MAP2K1: variants seen among roughly 807,000 people sequenced by gnomAD.
MAP2K1 encodes dual specificity mitogen-activated protein kinase kinase 1.
In MAP2K1, 16 loss-of-function variants were observed where a neutral mutation model predicts 46.3. The ratio of observed to expected loss-of-function variants is 0.35; its 90% confidence interval spans 0.23 to 0.52. The LOEUF (loss-of-function observed/expected upper bound fraction) is 0.52, where lower values mean the gene tolerates loss of function less well. Ranked by LOEUF, MAP2K1 falls within the 20% of genes least tolerant of loss-of-function variation. MAP2K1 has a pLI of 0.94. For missense variants in MAP2K1, 263 were observed against 497.1 expected (o/e 0.53, Z 4.48); for synonymous variants, 183 against 185.6 (o/e 0.99, Z 0.11).
intron 1 of MAP2K1, among the ~76,000 whole-genome samples, chr15:66,413,193 G>A (rs141011648): frequency 4.6e-4 from 70 of 152,244 alleles, no homozygotes; most frequent in Non-Finnish European, 9.0e-4. Context: ...ACCACGCTTG[G>A]CCCCTTGTGT....
intron 8 of MAP2K1, 51 bp downstream of exon 8, chr15:66,487,343 GAA>G: frequency 6.4e-7 from 1 of 1,567,096 alleles, no homozygotes; most frequent in Non-Finnish European, 8.8e-7. Flanking sequence ...CTCATCTTAA[GAA>G]AACACCCAGG....
At chr15:66,448,531 G>T (rs1283589342) in intron 5 of MAP2K1, among the ~76,000 whole-genome samples, 2 of 152,286 alleles carry the variant, frequency 1.3e-5, no homozygotes, top group Non-Finnish European at 2.9e-5. Flanking sequence ...GCACAAAGAA[G>T]AATATTGTGC....
At chr15:66,470,094 G>GTTTTTT (rs55637393) in intron 5 of MAP2K1, among the ~76,000 whole-genome samples, 65 of 76,606 alleles carry the variant, frequency 8.5e-4, no homozygotes, top group East Asian at 1.2e-3. Flanking sequence ...TTTTTTTCTT[G>GTTTTTT]TTTTTTTTTT....
rs184970289 is a variant in MAP2K1, at chr15:66,489,273, A to C, written c.1019A>C (p.Lys340Thr). 6.2e-7 allele frequency: 1 copy of C among 1,613,860 alleles called. No individual in the cohort carries two copies. Among genetic ancestry groups the C allele is most frequent in the East Asian group, 2.2e-5 (1 of 44,874 alleles). ...FSLEFQDFVN[K>T]CLIKNPAERA... ...CTGGAATTTCAAGATTTTGTGAATA[A>C]ATGGTAAGTTGGCTCCTTGTTCTCT... The change falls in exon 9 of 11, where the codon AAA (lysine) becomes ACA (threonine). Residue 340 changes from lysine (K) to threonine (T), a missense_variant. This residue lies in a region of MAP2K1 where 118 missense variants were observed against 193.0 expected (regional missense o/e 0.61). Coordinates refer to ENST00000307102, the MANE Select transcript of MAP2K1 (RefSeq NM_002755.4).
intron 1 of MAP2K1, among the ~76,000 whole-genome samples, chr15:66,429,680 TC>T (rs1567007438): frequency 3.1e-5 from 1 of 31,920 alleles, no homozygotes; most frequent in African/African-American, 9.2e-5. Flanking sequence ...CCCCCCCCCG[TC>T]CCCCCCAACA....
At chr15:66,395,554 T>C (rs2093365544) in intron 1 of MAP2K1, among the ~76,000 whole-genome samples, 1 of 148,284 alleles carries the variant, frequency 6.7e-6, no homozygotes, top group Non-Finnish European at 1.5e-5. Context: ...TGAAATGCCC[T>C]CCTCCACTTT....
At chr15:66,392,257 T>TTTTTG (rs2093358083) in intron 1 of MAP2K1, among the ~76,000 whole-genome samples, 1 of 104,740 alleles carries the variant, frequency 9.5e-6, no homozygotes, top group Non-Finnish European at 2.1e-5. Context: ...TTTTTTGGGT[T>TTTTTG]TTTTTTTTTT....
chr15:66,418,019 A>G (rs942335586), intron 1 of MAP2K1, among the ~76,000 whole-genome samples: 16 of 152,184 alleles, frequency 1.1e-4, no homozygotes, highest in African/African-American at 3.9e-4. Context: ...AAAATGCACA[A>G]AGCAAGGAAG....
At chr15:66,475,970 A>G (rs550127797) in intron 5 of MAP2K1, among the ~76,000 whole-genome samples, 3 of 152,232 alleles carry the variant, frequency 2.0e-5, no homozygotes, top group Non-Finnish European at 4.4e-5. Context: ...GTTAAACTTC[A>G]AAATGTGTGC....
In MAP2K1 at chr15:66,395,484, A is replaced by G. The variant is rs564041258; in HGVS notation, c.80+8057A>G. On this transcript the variant is annotated intron_variant, in intron 1 of 10. Coordinates refer to ENST00000307102, the MANE Select transcript of MAP2K1 (RefSeq NM_002755.4). Reference sequence around the variant, plus strand: ...TTACTCTCCTCACTGTGCCACCAGCATACTGTTGCTTACCTTCTTACATCT... The same window carrying G: ...TTACTCTCCTCACTGTGCCACCAGCGTACTGTTGCTTACCTTCTTACATCT... 2.1e-4 allele frequency among the ~76,000 whole-genome samples: 32 copies of G among 150,146 alleles called. No individual in the cohort carries two copies. In the South Asian group the frequency reaches 2.9e-3, roughly 14 times the overall value.
intron 5 of MAP2K1, chr15:66,453,583 A>G (rs1234914351): frequency 4.3e-6 from 3 of 702,314 alleles, no homozygotes; most frequent in Non-Finnish European, 7.8e-6. Context: ...TCAGGTGAAA[A>G]TGAGAGAGAG....
intron 5 of MAP2K1, among the ~76,000 whole-genome samples, chr15:66,475,464 T>C (rs934410851): frequency 6.6e-6 from 1 of 152,188 alleles, no homozygotes; most frequent in Non-Finnish European, 1.5e-5. Context: ...AGCCCCTTGC[T>C]CCTTCCTTCC....
intron 5 of MAP2K1, among the ~76,000 whole-genome samples, chr15:66,464,173 G>A (rs1014761093): frequency 4.6e-5 from 7 of 152,080 alleles, no homozygotes; most frequent in East Asian, 3.9e-4. Flanking sequence ...AGGTTTCATC[G>A]GATCTCTCGC....
intron 5 of MAP2K1, chr15:66,446,534 C>G: frequency 5.4e-6 from 1 of 184,038 alleles, no homozygotes; most frequent in Non-Finnish European, 1.2e-5. Flanking sequence ...TTGGCACAAA[C>G]TATGCCACTG....
chr15:66,478,339 CAT>C (rs1382483544), intron 5 of MAP2K1, among the ~76,000 whole-genome samples: 6 of 141,378 alleles, frequency 4.2e-5, no homozygotes, highest in African/African-American at 8.2e-5. Context: ...TATATACACA[CAT>C]ATATGTTAAA....
intron 5 of MAP2K1, among the ~76,000 whole-genome samples, chr15:66,460,460 G>C (rs929264682): frequency 3.9e-5 from 6 of 152,178 alleles, no homozygotes; most frequent in Non-Finnish European, 7.3e-5. Context: ...TCATGGCATA[G>C]AGGCAGGAAA....
chr15:66,423,678 G>A (rs1245894882), intron 1 of MAP2K1, among the ~76,000 whole-genome samples: 1 of 146,922 alleles, frequency 6.8e-6, no homozygotes, highest in African/African-American at 2.6e-5. Context: ...CGCAATCTCG[G>A]CTCACGGCAA....
intron 3 of MAP2K1, among the ~76,000 whole-genome samples, chr15:66,439,664 G>T (rs2093498212): frequency 6.6e-6 from 1 of 152,204 alleles, no homozygotes; most frequent in Non-Finnish European, 1.5e-5. Flanking sequence ...TACTTGGGAG[G>T]CTGAGGCAGG....
At chr15:66,446,026 C>T (rs1891858219) in intron 5 of MAP2K1, among the ~76,000 whole-genome samples, 1 of 152,054 alleles carries the variant, frequency 6.6e-6, no homozygotes, top group Non-Finnish European at 1.5e-5. Context: ...GAGTTTGAGA[C>T]CACCCTGGCC....
Sources: gnomAD v4.1 joint callset for allele counts (sites outside exome capture counted in the v4.1 genomes callset) on GRCh38, gnomAD v4.1.1 for gene constraint, gnomAD v4.1.1 regional missense constraint, MANE v1.5 for transcripts, NCBI Gene and HGNC (gene_info 2026-07-23, HGNC 2026-07-21) for gene names.